The following CALM2 variants were observed in gnomAD, a reference collection of about 807,000 sequenced individuals.
CALM2 encodes calmodulin 2, also known as calmodulin-2.
A neutral mutation model predicts 19.8 loss-of-function variants in CALM2; 2 were observed. That is an observed-to-expected ratio of 0.10 (90% confidence interval 0.04 to 0.32). The LOEUF (loss-of-function observed/expected upper bound fraction) is 0.32, where lower values mean the gene tolerates loss of function less well. Ranked by LOEUF, CALM2 falls within the 10% of genes least tolerant of loss-of-function variation. The probability of loss-of-function intolerance (pLI) is 1.00; values close to 1 mark genes in which losing one functional copy is unlikely to be tolerated. For synonymous variants in CALM2, 51 were observed against 52.1 expected (o/e 0.98, Z 0.09); for missense variants, 38 against 178.7 (o/e 0.21, Z 4.49).
In CALM2 at chr2:47,173,796, T is replaced by C. The variant is rs192030858; in HGVS notation, c.3+2645A>G. On this transcript the variant is annotated intron_variant, in intron 1 of 5. Transcript: ENST00000272298. ...CTATATGAAGTTTTTTCTACAATTA[T>C]GGAAGCCAGGATATTTGTTTTACCT... 11 of 152,344 alleles carry C rather than the reference T, an allele frequency of 7.2e-5. No homozygotes were observed. In the East Asian group the frequency reaches 1.2e-3, roughly 16 times the overall value. 9.4% of individuals were successfully genotyped at this position (152,344 alleles called of 1,614,324 possible).
At chr2:47,168,139 C>G (rs956184812) in intron 2 of CALM2, among the ~76,000 whole-genome samples, 2 of 151,984 alleles carry the variant, frequency 1.3e-5, no homozygotes, top group African/African-American at 4.8e-5. Flanking sequence ...GGTACCGGGC[C>G]TACAAAGTAG....
chr2:47,168,723 A>T (rs939553707), intron 2 of CALM2, among the ~76,000 whole-genome samples: 3 of 152,156 alleles, frequency 2.0e-5, no homozygotes, highest in Non-Finnish European at 4.4e-5. Flanking sequence ...AAAATAAATT[A>T]AAAAATAAAA....
intron 1 of CALM2, chr2:47,171,722 T>C (rs1018592840): frequency 2.0e-5 from 3 of 152,140 alleles, no homozygotes; most frequent in East Asian, 1.9e-4. Flanking sequence ...AGACAAGAAA[T>C]AGCCTCCTAT....
intron 2 of CALM2, among the ~76,000 whole-genome samples, chr2:47,169,965 A>AT (rs1313347858): frequency 6.6e-6 from 1 of 150,714 alleles, no homozygotes; most frequent in Admixed American, 6.6e-5. Flanking sequence ...CACTACAATA[A>AT]AAAAAAAAAA....
chr2:47,162,673 G>C lies in CALM2; in HGVS notation c.35-11C>G, dbSNP rs772687302. 6.3e-7 allele frequency: 1 copy of C among 1,581,208 alleles called. No individual in the cohort carries two copies. The highest frequency in any genetic ancestry group is 1.2e-5 in the South Asian group (1 of 86,624). On this transcript the variant is annotated splice_polypyrimidine_tract_variant and intron_variant, in intron 2 of 5. Transcript: ENST00000272298. ...AAGCTTCTTTGAATTCTGTTTGAAAGAAAGACCACAATCCAAATACACAGA... is the reference window on the plus strand; with the variant it reads ...AAGCTTCTTTGAATTCTGTTTGAAACAAAGACCACAATCCAAATACACAGA...
At chr2:47,174,520 ATC>A (rs1331157495) in intron 1 of CALM2, among the ~76,000 whole-genome samples, 1 of 152,142 alleles carries the variant, frequency 6.6e-6, no homozygotes, top group Non-Finnish European at 1.5e-5. Flanking sequence ...AAATAATGAT[ATC>A]TGTCAATTTT....
intron 1 of CALM2, chr2:47,173,376 C>A (rs537683506): frequency 6.6e-6 from 1 of 152,238 alleles, no homozygotes; most frequent in East Asian, 1.9e-4. Context: ...TGTTCTTACT[C>A]CCTTATTTCT....
At position 47,160,528 on chromosome 2, in the gene CALM2, T is replaced by A. The variant is rs903242208; in HGVS notation, c.*248A>T. The A allele has an allele frequency of 5.6e-6, 2 of 359,554 alleles. No homozygotes were observed. Among genetic ancestry groups the A allele is most frequent in the African/African-American group, 4.2e-5 (2 of 47,316 alleles). The allele number at this position is 359,554 out of a possible 1,614,324, so 22.3% of individuals were successfully genotyped here. A position where few individuals can be genotyped will look rare whatever the true frequency, so the allele number is the denominator to read the frequency against. On this transcript the variant is annotated 3_prime_UTR_variant, in exon 6 of 6. Coordinates refer to ENST00000272298, the MANE Select transcript of CALM2 (RefSeq NM_001743.6). ...GACCAACTCCATCTAAGTTTAGATGTGCAGAAGGGCTTAGATATATCCAGA... is the reference window on the plus strand; with the variant it reads ...GACCAACTCCATCTAAGTTTAGATGAGCAGAAGGGCTTAGATATATCCAGA...
At chr2:47,162,153 AAT>A (rs1687175450) in intron 4 of CALM2, 131 bp downstream of exon 4, 2 of 529,138 alleles carry the variant, frequency 3.8e-6, no homozygotes, top group Non-Finnish European at 6.5e-6. Context: ...TGGTAATTAA[AAT>A]ATGTTGGTAA....
rs1187315456 is a variant in CALM2, at chr2:47,160,359, T to G, written c.*417A>C. ...CGAGTACCTGGATAATACACCCGTT[T>G]TGCAATAGTGCAACTTTTAAGTACA... is the stretch of plus-strand genomic sequence containing the variant. On this transcript the variant is annotated 3_prime_UTR_variant, in exon 6 of 6. Transcript: ENST00000272298. The G allele has an allele frequency of 6.4e-6, 1 of 156,684 alleles. No homozygotes were observed. The highest frequency in any genetic ancestry group is 2.4e-5 in the African/African-American group (1 of 41,638). 9.7% of individuals were successfully genotyped at this position (156,684 alleles called of 1,614,324 possible).
chr2:47,172,369 C>T (rs1163818303), intron 1 of CALM2: 4 of 509,810 alleles, frequency 7.8e-6, no homozygotes, highest in South Asian at 4.7e-5. Flanking sequence ...TGGTACTCCT[C>T]CTCTCAGTCA....
intron 5 of CALM2, 59 bp downstream of exon 5, chr2:47,161,664 A>T (rs574833849): frequency 6.6e-7 from 1 of 1,522,334 alleles, no homozygotes; most frequent in Non-Finnish European, 8.9e-7. Flanking sequence ...TTCCCTAACA[A>T]AGAGCCTCTT....
At chr2:47,166,957 A>T (rs1257137636) in intron 2 of CALM2, among the ~76,000 whole-genome samples, 1 of 152,232 alleles carries the variant, frequency 6.6e-6, no homozygotes, top group Non-Finnish European at 1.5e-5. Flanking sequence ...GTTCATTAGC[A>T]ACCCCAAGGC....
chr2:47,168,503 C>G (rs1411471465), intron 2 of CALM2, among the ~76,000 whole-genome samples: 8 of 152,090 alleles, frequency 5.3e-5, no homozygotes, highest in Non-Finnish European at 7.4e-5. Context: ...CTTTAGGAGG[C>G]TGAGGCGGGT....
chr2:47,175,638 G>T (rs959132797), intron 1 of CALM2, among the ~76,000 whole-genome samples: 24 of 151,824 alleles, frequency 1.6e-4, no homozygotes, highest in Non-Finnish European at 2.1e-4. Context: ...GATGGAGAAG[G>T]AAGATTAGGG....
intron 2 of CALM2, among the ~76,000 whole-genome samples, chr2:47,168,831 G>A (rs1666575793): frequency 6.6e-6 from 1 of 151,884 alleles, no homozygotes; most frequent in East Asian, 1.9e-4. Flanking sequence ...AGGCTGGAGT[G>A]CAGTGGCATG....
intron 1 of CALM2, among the ~76,000 whole-genome samples, chr2:47,175,226 G>C (rs1342715489): frequency 6.6e-6 from 1 of 151,914 alleles, no homozygotes; most frequent in Non-Finnish European, 1.5e-5. Flanking sequence ...CGAAGTGTAC[G>C]TCAAGACGAC....
chr2:47,172,084 C>G (rs1666687478), intron 1 of CALM2: 2 of 153,366 alleles, frequency 1.3e-5, no homozygotes, highest in Non-Finnish European at 2.9e-5. Context: ...CCACTTTTAT[C>G]CCTAAAGTCC....
rs781378164 is a variant in CALM2 at position 47,176,505 on chromosome 2, T to G, written c.-62A>C. Reference sequence around the variant, plus strand: ...CAACCACTCAGCTCGCTCTCTCCACTCGGACTAATTCGCCTCCTCCGCCCC... The same window carrying G: ...CAACCACTCAGCTCGCTCTCTCCACGCGGACTAATTCGCCTCCTCCGCCCC... On this transcript the variant is annotated 5_prime_UTR_variant, in exon 1 of 6. Coordinates refer to ENST00000272298, the MANE Select transcript of CALM2 (RefSeq NM_001743.6). The G allele has an allele frequency of 1.2e-5, 19 of 1,606,266 alleles. No individual in the cohort carries two copies. The highest frequency in any genetic ancestry group is 1.6e-5 in the Non-Finnish European group (19 of 1,176,818).
Sources: gnomAD v4.1 joint callset for allele counts (sites outside exome capture counted in the v4.1 genomes callset) on GRCh38, gnomAD v4.1.1 for gene constraint, MANE v1.5 for transcripts, NCBI Gene and HGNC (gene_info 2026-07-23, HGNC 2026-07-21) for gene names.